The following TPP2 variants were observed in gnomAD, a reference collection of about 807,000 sequenced individuals.
TPP2 encodes the protein tripeptidyl peptidase 2.
In TPP2, 34 loss-of-function variants were observed where a neutral mutation model predicts 155.9. The ratio of observed to expected loss-of-function variants is 0.22; its 90% CI spans 0.17 to 0.29. The LOEUF (loss-of-function observed/expected upper bound fraction) is 0.29, where lower values mean the gene tolerates loss of function less well. Ranked by LOEUF, TPP2 falls within the 10% of genes least tolerant of loss-of-function variation. The pLI, the probability that TPP2 is intolerant of heterozygous loss-of-function variation, is 1.00. For missense variants in TPP2, 1,028 were observed against 1,522.3 expected, an observed-to-expected ratio of 0.68 and a Z score of 5.40; for synonymous variants, 510 against 529.4, an observed-to-expected ratio of 0.96 and a Z score of 0.50.
At chr13:102,677,288 T>G (rs1252634467) in intron 29 of TPP2, among the ~76,000 whole-genome samples, 2 of 152,156 alleles carry the variant, frequency 1.3e-5, no homozygotes, top group Non-Finnish European at 2.9e-5. Flanking sequence ...ATCTGATCCG[T>G]GAGCACTTAG....
intron 24 of TPP2, 156 bp from the exon 25 acceptor site, chr13:102,656,900 T>C (rs1883893460): frequency 1.7e-6 from 1 of 593,630 alleles, no homozygotes; most frequent in Non-Finnish European, 2.7e-6. Context: ...TGACCAGAGA[T>C]TGGAATTTTT....
At chr13:102,639,209 T>C (rs549619469) in intron 15 of TPP2, among the ~76,000 whole-genome samples, 1 of 152,348 alleles carries the variant, frequency 6.6e-6, no homozygotes, top group South Asian at 2.1e-4. Flanking sequence ...ACTACTGTTA[T>C]ACAGGATGTA....
chr13:102,616,377 A>C lies in TPP2; in HGVS notation c.391-19A>C. Reference sequence around the variant, plus strand: ...GTATTTGTCAGCCTAATTGTAAGGTAATTTTTCTGTCTTTGCAGAAAGAAC... The same window carrying C: ...GTATTTGTCAGCCTAATTGTAAGGTCATTTTTCTGTCTTTGCAGAAAGAAC... On this transcript the variant is annotated intron_variant, in intron 3 of 29. Coordinates refer to ENST00000376052, the MANE Select transcript of TPP2 (RefSeq NM_001330588.2). The C allele has an allele frequency of 3.1e-6, 5 of 1,593,654 alleles. No individual in the cohort carries two copies. The highest frequency in any genetic ancestry group is 4.3e-6 in the Non-Finnish European group (5 of 1,168,110).
intron 25 of TPP2, among the ~76,000 whole-genome samples, chr13:102,658,547 AAAAAC>A (rs1358662918): frequency 3.9e-5 from 6 of 152,254 alleles, no homozygotes; most frequent in African/African-American, 1.4e-4. Context: ...AAAATTATTT[AAAAAC>A]AAAACAAAAC....
chr13:102,616,336 G>C, intron 3 of TPP2, 60 bp from the exon 4 acceptor site: 1 of 1,356,002 alleles, frequency 7.4e-7, no homozygotes, highest in East Asian at 2.3e-5. Flanking sequence ...ATAAATGCCT[G>C]TCTAGGTTTA....
intron 27 of TPP2, among the ~76,000 whole-genome samples, chr13:102,673,287 G>A (rs746278233): frequency 3.9e-5 from 6 of 152,114 alleles, no homozygotes; most frequent in Non-Finnish European, 7.4e-5. Context: ...GTACAGTCCC[G>A]GCAGTTTTCA....
intron 14 of TPP2, 58 bp from the exon 15 acceptor site, chr13:102,638,181 C>T (rs1408470929): frequency 2.0e-6 from 3 of 1,501,008 alleles, no homozygotes; most frequent in East Asian, 2.3e-5. Flanking sequence ...TTAGACCTTC[C>T]CCCGCTCTTT....
chr13:102,658,820 T>C (rs1884020466), intron 25 of TPP2, among the ~76,000 whole-genome samples: 1 of 152,314 alleles, frequency 6.6e-6, no homozygotes, highest in African/African-American at 2.4e-5. Flanking sequence ...CATCCTGACC[T>C]ACTGCCAGTT....
intron 1 of TPP2, among the ~76,000 whole-genome samples, chr13:102,599,172 C>T (rs1743016191): frequency 6.6e-6 from 1 of 152,098 alleles, no homozygotes; most frequent in African/African-American, 2.4e-5. Context: ...ATTTAGCTCC[C>T]ACCATAAGTG....
chr13:102,641,964 A>G (rs1595178496), intron 16 of TPP2, among the ~76,000 whole-genome samples: 2 of 152,314 alleles, frequency 1.3e-5, no homozygotes, highest in South Asian at 4.1e-4. Flanking sequence ...AAGATATTGC[A>G]GTTAAGAGAA....
At chr13:102,645,662 T>C (rs1883050969) in intron 19 of TPP2, among the ~76,000 whole-genome samples, 1 of 152,256 alleles carries the variant, frequency 6.6e-6, no homozygotes, top group Non-Finnish European at 1.5e-5. Context: ...CCAACTTATA[T>C]CATCCTGATG....
At chr13:102,628,804 A>G (rs1482636861) in intron 8 of TPP2, among the ~76,000 whole-genome samples, 1 of 151,480 alleles carries the variant, frequency 6.6e-6, no homozygotes, top group Admixed American at 6.6e-5. Context: ...TCACTTCTTT[A>G]TTTTACTTAA....
intron 1 of TPP2, 124 bp from the exon 2 acceptor site, chr13:102,604,669 T>C (rs1012362079): frequency 4.3e-6 from 5 of 1,154,378 alleles, no homozygotes; most frequent in Admixed American, 5.9e-5. Context: ...TTAAAACAGT[T>C]CAGTTCTCTT....
At chr13:102,661,589 C>T (rs1308643734) in intron 25 of TPP2, among the ~76,000 whole-genome samples, 1 of 152,078 alleles carries the variant, frequency 6.6e-6, no homozygotes, top group Non-Finnish European at 1.5e-5. Context: ...AATACAAAGG[C>T]AAATGGCTCA....
At position 102,629,975 on chromosome 13, in the gene TPP2, T is replaced by C. The variant is rs191303098; in HGVS notation, c.1145-121T>C. 8 of 733,734 alleles carry C rather than the reference T, an allele frequency of 1.1e-5. No individual in the cohort carries two copies. The East Asian group carries it at 1.9e-4, about 18-fold the overall frequency. The allele number at this position is 733,734 out of a possible 1,614,324, so 45.5% of individuals were successfully genotyped here. ...TTGTTTCCTTATTAAATTTTATTCT[T>C]CCATCGTATTAGAGAGAGGACTGGT... On this transcript the variant is annotated intron_variant, in intron 9 of 29. Coordinates refer to ENST00000376052, the MANE Select transcript of TPP2 (RefSeq NM_001330588.2).
Position 102,597,007 on chromosome 13 carries a change from T to A in TPP2, c.-32T>A, listed in dbSNP as rs765638610. 1 of 1,604,564 alleles carries A rather than the reference T, an allele frequency of 6.2e-7. No individual in the cohort carries two copies. Among genetic ancestry groups the A allele is most frequent in the Non-Finnish European group, 8.5e-7 (1 of 1,176,138 alleles). On this transcript the variant is annotated 5_prime_UTR_variant, in exon 1 of 30. Transcript: ENST00000376052. ...TGCTAGTCCGCGCGCAGCCTGGCAG[T>A]TTGCCGCTTCCTCGTCCTCCATCCT...
Position 102,679,894 on chromosome 13 carries a change from G to C in TPP2, c.*1578G>C, listed in dbSNP as rs1331444286. ...ACTACCTACAGCAGGAATCAGTAACGTTTGGCCCTTTAACCCAAACTGGAC... is the reference window on the plus strand; with the variant it reads ...ACTACCTACAGCAGGAATCAGTAACCTTTGGCCCTTTAACCCAAACTGGAC... On this transcript the variant is annotated 3_prime_UTR_variant, in exon 30 of 30. Transcript: ENST00000376052. 3 of 152,280 alleles carry C rather than the reference G, an allele frequency of 2.0e-5. No individual in the cohort carries two copies. The East Asian group carries it at 5.8e-4, about 29-fold the overall frequency. The allele number at this position is 152,280 out of a possible 1,614,324, so 9.4% of individuals were successfully genotyped here. A position where few individuals can be genotyped will look rare whatever the true frequency, so the allele number is the denominator to read the frequency against.
At chr13:102,674,556 C>T in intron 28 of TPP2, 66 bp downstream of exon 28, 2 of 1,502,724 alleles carry the variant, frequency 1.3e-6, no homozygotes, top group Non-Finnish European at 1.8e-6. Flanking sequence ...TCTTGTGCCC[C>T]ATTGCTGGTT....
At chr13:102,665,174 T>G (rs1200872195) in intron 27 of TPP2, among the ~76,000 whole-genome samples, 2 of 152,178 alleles carry the variant, frequency 1.3e-5, no homozygotes, top group African/African-American at 4.8e-5. Flanking sequence ...TAGAGGGATT[T>G]GAATATCTGT....
Sources: gnomAD v4.1 joint callset for allele counts (sites outside exome capture counted in the v4.1 genomes callset) on GRCh38, gnomAD v4.1.1 for gene constraint, MANE v1.5 for transcripts, NCBI Gene and HGNC (gene_info 2026-07-23, HGNC 2026-07-21) for gene names.